MBNL1: variants seen among roughly 807,000 people sequenced by gnomAD.
MBNL1 encodes the protein muscleblind-like protein 1.
Under a neutral mutation model 42.2 loss-of-function variants are expected in MBNL1, and 8 were observed. The observed-to-expected ratio is 0.19, with a 90% confidence interval of 0.11 to 0.34. The LOEUF (loss-of-function observed/expected upper bound fraction) is 0.34. Among genes scored for constraint, MBNL1 ranks in the 10% least tolerant of loss-of-function variants. The probability of loss-of-function intolerance (pLI) is 1.00; values close to 1 mark genes in which losing one functional copy is unlikely to be tolerated. For synonymous variants in MBNL1, 169 were observed against 173.9 expected, an observed-to-expected ratio of 0.97 and a Z score of 0.22; for missense variants, 309 against 495.3, an observed-to-expected ratio of 0.62 and a Z score of 3.57.
At chr3:152,335,171 C>G in intron 2 of MBNL1, 1 of 1,289,516 alleles carries the variant, frequency 7.8e-7, no homozygotes, top group African/African-American at 1.5e-5. Flanking sequence ...GGCACCATGG[C>G]AAGAAGAAGC....
chr3:152,338,100 C>T (rs1454798735), intron 2 of MBNL1: 2 of 970,832 alleles, frequency 2.1e-6, no homozygotes, highest in African/African-American at 1.8e-5. Flanking sequence ...AATATGTATT[C>T]CTTACTTTTC....
chr3:152,329,930 G>A (rs994603208), intron 2 of MBNL1, among the ~76,000 whole-genome samples: 1 of 151,638 alleles, frequency 6.6e-6, no homozygotes, highest in Non-Finnish European at 1.5e-5. Flanking sequence ...TTATTTCTAT[G>A]AATTCTCTAA....
exon 2 of MBNL1, chr3:152,244,420 C>G (rs535021311): frequency 2.0e-5 from 2 of 100,386 alleles, no homozygotes; most frequent in African/African-American, 3.0e-5. Context: ...GCTTAACAAG[C>G]AACTATAACT....
intron 6 of MBNL1, among the ~76,000 whole-genome samples, chr3:152,452,236 A>G (rs182568873): frequency 2.0e-5 from 3 of 152,376 alleles, no homozygotes; most frequent in East Asian, 1.9e-4. Context: ...TGTTATATAT[A>G]TGAGTTTTCA....
intron 2 of MBNL1, among the ~76,000 whole-genome samples, chr3:152,257,973 C>G (rs2035682137): frequency 6.6e-6 from 1 of 152,100 alleles, no homozygotes; most frequent in Non-Finnish European, 1.5e-5. Context: ...TGTGCACTGA[C>G]CAATCAATAG....
At chr3:152,369,284 T>C (rs1482434468) in intron 2 of MBNL1, among the ~76,000 whole-genome samples, 2 of 152,216 alleles carry the variant, frequency 1.3e-5, no homozygotes, top group Middle Eastern at 3.2e-3. Context: ...GTTTTTGTCA[T>C]TGGTTCTGTT....
intron 4 of MBNL1, among the ~76,000 whole-genome samples, chr3:152,437,497 T>C (rs11925960): frequency 0.35 from 53,121 of 152,024 alleles, 9,475 homozygotes; most frequent in Middle Eastern, 0.43. Flanking sequence ...TCATATTCCT[T>C]ACATGTAAAA....
In MBNL1 at chr3:152,415,047, C is replaced by T; in HGVS notation, c.281C>T (p.Ala94Val). The T allele has an allele frequency of 6.2e-7, 1 of 1,610,342 alleles. No individual in the cohort carries two copies. Among genetic ancestry groups the T allele is most frequent in the Non-Finnish European group, 8.5e-7 (1 of 1,178,646 alleles). Reference sequence around the variant, plus strand: ...AACTTGATTCAGCAGAAGAACATGGCCATGTTGGCCCAGCAAATGCAACTA... The same window carrying T: ...AACTTGATTCAGCAGAAGAACATGGTCATGTTGGCCCAGCAAATGCAACTA... ...RNNLIQQKNM[A>V]MLAQQMQLAN... The change falls in exon 3 of 10, where the codon GCC becomes GTC. Residue 94 changes from alanine to valine, a missense_variant. By Grantham distance (64) the Ala-to-Val change is moderately conservative (BLOSUM62 0). Coordinates refer to ENST00000324210, the MANE Select transcript of MBNL1 (RefSeq NM_021038.5).
chr3:152,368,370 A>G (rs1004215871), intron 2 of MBNL1, among the ~76,000 whole-genome samples: 2 of 152,086 alleles, frequency 1.3e-5, no homozygotes, highest in Non-Finnish European at 2.9e-5. Context: ...ATTGGTCTAT[A>G]TATCTGTTTT....
chr3:152,407,075 G>GTGTGTGTGTGTA (rs2098448565), intron 2 of MBNL1, among the ~76,000 whole-genome samples: 1 of 151,352 alleles, frequency 6.6e-6, no homozygotes, highest in African/African-American at 2.4e-5. Context: ...GTGTGTGTTT[G>GTGTGTGTGTGTA]TGTGAACTTT....
At chr3:152,391,930 G>A (rs1462493254) in intron 2 of MBNL1, among the ~76,000 whole-genome samples, 1 of 152,050 alleles carries the variant, frequency 6.6e-6, no homozygotes, top group African/African-American at 2.4e-5. Flanking sequence ...ATTCTCTTTT[G>A]GTGGGAAAGG....
At chr3:152,455,975 A>C (rs1293155691) in intron 7 of MBNL1, among the ~76,000 whole-genome samples, 1 of 152,214 alleles carries the variant, frequency 6.6e-6, no homozygotes, top group African/African-American at 2.4e-5. Context: ...ACACTATATA[A>C]AATTCTTGTT....
intron 1 of MBNL1, among the ~76,000 whole-genome samples, chr3:152,277,849 G>A (rs1308593865): frequency 6.6e-6 from 1 of 151,910 alleles, no homozygotes; most frequent in Non-Finnish European, 1.5e-5. Context: ...CAACTTATTA[G>A]TTATTTAGAT....
chr3:152,318,830 ACT>A (rs1277425139), intron 2 of MBNL1, among the ~76,000 whole-genome samples: 1 of 152,114 alleles, frequency 6.6e-6, no homozygotes, highest in Non-Finnish European at 1.5e-5. Flanking sequence ...AAAAAAAGAC[ACT>A]CTACAGGCAT....
chr3:152,345,138 C>T (rs374559491), intron 2 of MBNL1, among the ~76,000 whole-genome samples: 28 of 151,658 alleles, frequency 1.8e-4, no homozygotes, highest in African/African-American at 6.5e-4. Context: ...TTTGGCAATT[C>T]ACTGTGGGAG....
At chr3:152,401,795 G>C (rs1003601020) in intron 2 of MBNL1, among the ~76,000 whole-genome samples, 1 of 152,144 alleles carries the variant, frequency 6.6e-6, no homozygotes, top group African/African-American at 2.4e-5. Context: ...GGAGGCTGAG[G>C]TGGGCAGATC....
At chr3:152,256,869 TA>T (rs1411090667) in intron 2 of MBNL1, among the ~76,000 whole-genome samples, 1 of 152,158 alleles carries the variant, frequency 6.6e-6, no homozygotes, top group Non-Finnish European at 1.5e-5. Context: ...TAAAAAACAT[TA>T]CCTGGCCTTG....
intron 2 of MBNL1, among the ~76,000 whole-genome samples, chr3:152,245,197 C>T (rs78274694): frequency 1.3e-5 from 2 of 152,142 alleles, no homozygotes; most frequent in South Asian, 2.1e-4. Flanking sequence ...TAATCTAGAT[C>T]CTAGAAACTT....
intron 1 of MBNL1, among the ~76,000 whole-genome samples, chr3:152,278,652 T>G (rs1315813318): frequency 6.6e-6 from 1 of 152,122 alleles, no homozygotes; most frequent in Non-Finnish European, 1.5e-5. Context: ...AAGAATAGTA[T>G]TATGCCTATT....
Sources: gnomAD v4.1 joint callset for allele counts (sites outside exome capture counted in the v4.1 genomes callset) on GRCh38, gnomAD v4.1.1 for gene constraint, MANE v1.5 for transcripts, NCBI Gene and HGNC (gene_info 2026-07-23, HGNC 2026-07-21) for gene names.